HABP2: variants seen among roughly 807,000 people sequenced by gnomAD.
The protein encoded by HABP2 is hyaluronan binding protein 2, also known as factor VII-activating protease.
HABP2 carries 65 observed loss-of-function variants against 66.5 expected under a neutral mutation model. The observed-to-expected ratio is 0.98, with a 90% CI of 0.80 to 1.20. HABP2 has a LOEUF of 1.20. Among genes scored for constraint, HABP2 ranks in the 50% most tolerant of loss-of-function variants. The pLI is 0.00. For missense variants in HABP2, 786 were observed against 691.0 expected (o/e 1.14, Z -1.54); for synonymous variants, 263 against 253.9 (o/e 1.04, Z -0.34).
chr10:113,589,100 C>A lies in HABP2; in HGVS notation c.*731C>A. ...CCCCGCTGCTGAAATCAAACATACC[C>A]CAAGTTAAAATGAAGCTCCCCCACC... On this transcript the variant is annotated 3_prime_UTR_variant, in exon 13 of 13. Coordinates refer to ENST00000351270, the MANE Select transcript of HABP2 (RefSeq NM_004132.5). 1 of 1,606,582 alleles carries A rather than the reference C, an allele frequency of 6.2e-7. No homozygotes were observed. Among genetic ancestry groups the A allele is most frequent in the Non-Finnish European group, 8.5e-7 (1 of 1,173,920 alleles).
At chr10:113,573,405 G>A (rs1845349232) in intron 2 of HABP2, among the ~76,000 whole-genome samples, 2 of 152,224 alleles carry the variant, frequency 1.3e-5, no homozygotes, top group African/African-American at 4.8e-5. Flanking sequence ...GAGCAGGCTG[G>A]ATAGTCAATG....
Position 113,588,886 on chromosome 10 carries a change from T to A in HABP2, c.*517T>A. 1.0e-6 allele frequency: 1 copy of A among 958,366 alleles called. No homozygotes were observed. Among genetic ancestry groups the A allele is most frequent in the Non-Finnish European group, 1.7e-6 (1 of 600,400 alleles). The allele number at this position is 958,366 out of a possible 1,614,324, so 59.4% of individuals were successfully genotyped here. On this transcript the variant is annotated 3_prime_UTR_variant, in exon 13 of 13. Transcript: ENST00000351270. ...GATCTGGGATGGGCTGGTGGGCCATTCCAGCTTGCCGAAATCAAAGCCATC... is the reference window on the plus strand; with the variant it reads ...GATCTGGGATGGGCTGGTGGGCCATACCAGCTTGCCGAAATCAAAGCCATC...
intron 2 of HABP2, chr10:113,572,671 C>A (rs1282334115): frequency 2.2e-6 from 1 of 454,822 alleles, no homozygotes; most frequent in Non-Finnish European, 4.4e-6. Context: ...TGGAGGAAAA[C>A]TTTATTTGCT....
At chr10:113,562,825 T>A (rs371339532) in intron 1 of HABP2, among the ~76,000 whole-genome samples, 8 of 152,242 alleles carry the variant, frequency 5.3e-5, no homozygotes, top group African/African-American at 1.9e-4. Flanking sequence ...CTCTCAAGGT[T>A]AATGAGCTTT....
rs748918390 is a variant in HABP2, at chr10:113,578,063, G to A, written c.486G>A (p.Gly162=). 1.2e-6 allele frequency: 2 copies of A among 1,614,104 alleles called. No homozygotes were observed. Among genetic ancestry groups the A allele is most frequent in the African/African-American group, 1.3e-5 (1 of 75,026 alleles). ...PVCRPNPCQN[G]ATCSRHKRRS... ...GCAGGCCAAACCCCTGCCAGAATGG[G>A]GCTACCTGCTCCCGGCATAAGCGGA... Residue 162 remains glycine, a synonymous_variant, in exon 6 of 13, where the codon GGG becomes GGA. Transcript: ENST00000351270.
At chr10:113,570,857 G>A (rs1269261353) in intron 2 of HABP2, among the ~76,000 whole-genome samples, 1 of 152,136 alleles carries the variant, frequency 6.6e-6, no homozygotes, top group African/African-American at 2.4e-5. Flanking sequence ...GGGCACTCTG[G>A]GGTTAAAAGA....
intron 1 of HABP2, among the ~76,000 whole-genome samples, chr10:113,565,785 A>G (rs1845186820): frequency 6.6e-6 from 1 of 152,180 alleles, no homozygotes; most frequent in South Asian, 2.1e-4. Flanking sequence ...CTTTACTAAA[A>G]ATACAGTCCT....
In HABP2 at chr10:113,574,385, A is replaced by C. The variant is rs200071983; in HGVS notation, c.203A>C (p.Tyr68Ser). 6.4e-7 allele frequency: 1 copy of C among 1,555,608 alleles called. No individual in the cohort carries two copies. The highest frequency in any genetic ancestry group is 1.3e-5 in the African/African-American group (1 of 74,262). Residue 68 changes from tyrosine to serine, a missense_variant, in exon 3 of 13, where the codon TAC becomes TCC. Physicochemically the swap from Tyr to Ser is moderately radical, Grantham distance 144. Coordinates refer to ENST00000351270, the MANE Select transcript of HABP2 (RefSeq NM_004132.5). The stretch of plus-strand genomic sequence containing the variant: ...ACCCACGCTGAGAATCCTGACTGGT[A>C]CTACACTGAGGACCAAGCTGGTAGG... ...TLTHAENPDWYYTEDQADPCQ... is the reference protein window; with the variant it reads ...TLTHAENPDWSYTEDQADPCQ...
At position 113,588,753 on chromosome 10, in the gene HABP2, G is replaced by C; in HGVS notation, c.*384G>C. 1 of 567,874 alleles carries C rather than the reference G, an allele frequency of 1.8e-6. No homozygotes were observed. Among genetic ancestry groups the C allele is most frequent in the Admixed American group, 3.3e-5 (1 of 30,684 alleles). 35.2% of individuals were successfully genotyped at this position (567,874 alleles called of 1,614,324 possible). Reference sequence around the variant, plus strand: ...CATCACATCTTTATTCCTCAGCCCAGACACTCGAGGCACTCAACAGAATCA... The same window carrying C: ...CATCACATCTTTATTCCTCAGCCCACACACTCGAGGCACTCAACAGAATCA... On this transcript the variant is annotated 3_prime_UTR_variant, in exon 13 of 13. Transcript: ENST00000351270.
chr10:113,580,621 G>A lies in HABP2; in HGVS notation c.767G>A (p.Trp256Ter). The A allele has an allele frequency of 6.3e-7, 1 of 1,593,374 alleles. No individual in the cohort carries two copies. The highest frequency in any genetic ancestry group is 8.6e-7 in the Non-Finnish European group (1 of 1,161,294). Residue 256 changes from tryptophan (W) to a stop codon, truncating the protein, a stop_gained, in exon 8 of 13, where the codon TGG becomes TAG. Transcript: ENST00000351270. LOFTEE classifies it high-confidence loss of function. ...AACCCAGATGCGGACGAAAAGCCCTGGTGCTTTATTAAAGTTACCAATGAC... is the reference window on the plus strand; with the variant it reads ...AACCCAGATGCGGACGAAAAGCCCTAGTGCTTTATTAAAGTTACCAATGAC... ...CRNPDADEKP[W>*]CFIKVTNDKV...
At position 113,589,212 on chromosome 10, in the gene HABP2, T is replaced by C. The variant is rs1477636863; in HGVS notation, c.*843T>C. On this transcript the variant is annotated 3_prime_UTR_variant, in exon 13 of 13. Transcript: ENST00000351270. ...TCACCCTCCCTTTCCTTTTCCCCTC[T>C]TCTACCCTCCCCAAGAAAAAGGGCC... The C allele has an allele frequency of 1.8e-5, 12 of 676,788 alleles. No homozygotes were observed. Among genetic ancestry groups the C allele is most frequent in the Non-Finnish European group, 3.0e-5 (12 of 406,368 alleles). The allele number at this position is 676,788 out of a possible 1,614,324, so 41.9% of individuals were successfully genotyped here.
At position 113,589,012 on chromosome 10, in the gene HABP2, A is replaced by G; in HGVS notation, c.*643A>G. 53 of 1,613,910 alleles carry G rather than the reference A, an allele frequency of 3.3e-5. No individual in the cohort carries two copies. Among genetic ancestry groups the G allele is most frequent in the Non-Finnish European group, 4.5e-5 (53 of 1,179,960 alleles). On this transcript the variant is annotated 3_prime_UTR_variant, in exon 13 of 13. Coordinates refer to ENST00000351270, the MANE Select transcript of HABP2 (RefSeq NM_004132.5). Reference sequence around the variant, plus strand: ...GGCCTTCTTCTTTTTGACGTGCAGAATCTCAGTGGCATCTGGGTTCACCTC... The same window carrying G: ...GGCCTTCTTCTTTTTGACGTGCAGAGTCTCAGTGGCATCTGGGTTCACCTC...
chr10:113,589,548 T>G lies in HABP2; in HGVS notation c.*1179T>G. The G allele has an allele frequency of 7.9e-7, 1 of 1,271,558 alleles. No homozygotes were observed. The highest frequency in any genetic ancestry group is 1.1e-6 in the Non-Finnish European group (1 of 921,066). The allele number at this position is 1,271,558 out of a possible 1,614,324, so 78.8% of individuals were successfully genotyped here. On this transcript the variant is annotated 3_prime_UTR_variant, in exon 13 of 13. Coordinates refer to ENST00000351270, the MANE Select transcript of HABP2 (RefSeq NM_004132.5). Reference sequence around the variant, plus strand: ...TTAGGCGCCTTGTTTGAGCTGCGTTTCACACTTCTTTAGAGCTAGCTGACC... The same window carrying G: ...TTAGGCGCCTTGTTTGAGCTGCGTTGCACACTTCTTTAGAGCTAGCTGACC...
chr10:113,572,787 T>C (rs1429969137), intron 2 of HABP2: 1 of 436,150 alleles, frequency 2.3e-6, no homozygotes, highest in Non-Finnish European at 4.6e-6. Flanking sequence ...GGAGAAATAA[T>C]GAGCAAGCCA....
chr10:113,562,187 G>A (rs149493038), intron 1 of HABP2, among the ~76,000 whole-genome samples: 88 of 152,330 alleles, frequency 5.8e-4, no homozygotes, highest in South Asian at 1.9e-3. Flanking sequence ...AAGCAGCAGC[G>A]TCCACCCTTT....
intron 10 of HABP2, 78 bp downstream of exon 10, chr10:113,583,436 T>C: frequency 7.8e-7 from 1 of 1,276,122 alleles, no homozygotes; most frequent in South Asian, 1.2e-5. Flanking sequence ...TGAAGTTTGG[T>C]TCTAGAAGGT....
At position 113,578,732 on chromosome 10, in the gene HABP2, A is replaced by G. The variant is rs751212372; in HGVS notation, c.674A>G (p.Gln225Arg). ...CLYWNSHLLLQENYNMFMEDA... is the reference protein window; with the variant it reads ...CLYWNSHLLLRENYNMFMEDA... ...TACTGGAACTCCCACCTCCTCTTGC[A>G]GGAGAATTACAACATGTTTATGGAG... Residue 225 changes from glutamine (Q) to arginine (R), a missense_variant, in exon 7 of 13, where the codon CAG (glutamine) becomes CGG (arginine). By Grantham distance (43) the Gln-to-Arg change is conservative. Coordinates refer to ENST00000351270, the MANE Select transcript of HABP2 (RefSeq NM_004132.5). 1 of 1,611,476 alleles carries G rather than the reference A, an allele frequency of 6.2e-7. No homozygotes were observed. The highest frequency in any genetic ancestry group is 8.5e-7 in the Non-Finnish European group (1 of 1,177,584).
intron 1 of HABP2, among the ~76,000 whole-genome samples, chr10:113,563,582 G>C (rs1845140219): frequency 7.0e-6 from 1 of 142,034 alleles, no homozygotes; most frequent in Non-Finnish European, 1.5e-5. Flanking sequence ...GGAAGTCTCG[G>C]CTTTCTTTTT....
intron 1 of HABP2, among the ~76,000 whole-genome samples, chr10:113,556,725 A>T (rs936673735): frequency 9.6e-5 from 14 of 145,508 alleles, no homozygotes; most frequent in African/African-American, 2.2e-4. Context: ...AAAAAAGTTT[A>T]AAAAAAAAAA....
Sources: gnomAD v4.1 joint callset for allele counts (sites outside exome capture counted in the v4.1 genomes callset) on GRCh38, gnomAD v4.1.1 for gene constraint, MANE v1.5 for transcripts, NCBI Gene and HGNC (gene_info 2026-07-23, HGNC 2026-07-21) for gene names.